The following ZNF737 variants were observed in gnomAD, a reference collection of about 807,000 sequenced individuals.
ZNF737 encodes the protein zinc finger protein 737.
A neutral mutation model predicts 11.7 loss-of-function variants in ZNF737; 13 were observed. The observed-to-expected ratio is 1.11, with a 90% confidence interval of 0.73 to 1.77. The LOEUF (loss-of-function observed/expected upper bound fraction) is 1.77. Ranked by LOEUF, ZNF737 falls within the 40% of genes most tolerant of loss-of-function variation. The pLI is 0.00. For missense variants in ZNF737, 636 were observed against 638.0 expected (o/e 1.00, Z 0.03); for synonymous variants, 217 against 216.2 (o/e 1.00, Z -0.03).
In ZNF737 at chr19:20,541,092, C is replaced by T. The variant is rs1264764369; in HGVS notation, c.*3500G>A. The T allele has an allele frequency of 2.9e-5, 29 of 984,730 alleles. No homozygotes were observed. Among genetic ancestry groups the T allele is most frequent in the African/African-American group, 3.5e-5 (2 of 57,170 alleles). The allele number at this position is 984,730 out of a possible 1,614,324, so 61.0% of individuals were successfully genotyped here. On this transcript the variant is annotated 3_prime_UTR_variant, in exon 4 of 4. Coordinates refer to ENST00000427401, the MANE Select transcript of ZNF737 (RefSeq NM_001159293.2). ...TAATAGGCAGACTCTGGGGAGAATCCGAATCACAGGCCAGAACATTTTATA... is the reference window on the plus strand; with the variant it reads ...TAATAGGCAGACTCTGGGGAGAATCTGAATCACAGGCCAGAACATTTTATA...
chr19:20,547,252 G>A (rs1968486172), intron 3 of ZNF737, among the ~76,000 whole-genome samples: 1 of 151,890 alleles, frequency 6.6e-6, no homozygotes, highest in Admixed American at 6.6e-5. Context: ...ATGGTAGCAG[G>A]CGCCTGTAGT....
intron 1 of ZNF737, among the ~76,000 whole-genome samples, chr19:20,562,374 T>C (rs1375648815): frequency 7.0e-6 from 1 of 143,850 alleles, no homozygotes; most frequent in Non-Finnish European, 1.5e-5. Context: ...GGAATTTCAC[T>C]CTTGTTGCCC....
At chr19:20,563,749 G>T (rs535094916) in intron 1 of ZNF737, among the ~76,000 whole-genome samples, 1 of 152,246 alleles carries the variant, frequency 6.6e-6, no homozygotes, top group Admixed American at 6.5e-5. Context: ...GCCTCCCAAA[G>T]TGCTGAGATG....
At chr19:20,535,308 A>G (rs1394183616), downstream of ZNF737, among the ~76,000 whole-genome samples, 1 of 152,068 alleles carries the variant, frequency 6.6e-6, no homozygotes, top group Admixed American at 6.6e-5. Flanking sequence ...AAAATAAAAG[A>G]GAAGGAAGGA....
Position 20,543,790 on chromosome 19 carries a change from C to T in ZNF737, c.*802G>A, listed in dbSNP as rs910263091. 5.1e-5 allele frequency: 50 copies of T among 985,348 alleles called. No homozygotes were observed. Among genetic ancestry groups the T allele is most frequent in the African/African-American group, 8.7e-5 (5 of 57,338 alleles). The allele number at this position is 985,348 out of a possible 1,614,324, so 61.0% of individuals were successfully genotyped here. On this transcript the variant is annotated 3_prime_UTR_variant, in exon 4 of 4. Coordinates refer to ENST00000427401, the MANE Select transcript of ZNF737 (RefSeq NM_001159293.2). ...AGCAATGTCACATTTTTTAGCTTTG[C>T]GGATTTCCTCTTCAACATGAATTAT...
Position 20,538,575 on chromosome 19 carries a change from T to C in ZNF737, c.*6017A>G. The C allele has an allele frequency of 7.5e-6, 7 of 929,764 alleles. No individual in the cohort carries two copies. The highest frequency in any genetic ancestry group is 9.0e-6 in the Non-Finnish European group (7 of 779,186). 57.6% of individuals were successfully genotyped at this position (929,764 alleles called of 1,614,324 possible). On this transcript the variant is annotated 3_prime_UTR_variant, in exon 4 of 4. Coordinates refer to ENST00000427401, the MANE Select transcript of ZNF737 (RefSeq NM_001159293.2). ...CTTTCTGCAAAAAGTAAAAATGGCC[T>C]TGCTAAGAAAAATTAAATTTATTTT...
intron 1 of ZNF737, among the ~76,000 whole-genome samples, chr19:20,560,655 C>CT (rs782401485): frequency 4.6e-5 from 7 of 152,126 alleles, no homozygotes; most frequent in Non-Finnish European, 1.0e-4. Flanking sequence ...TGCCATGTGC[C>CT]TGTAATCCCA....
At chr19:20,555,163 T>G (rs1164885847) in intron 1 of ZNF737, among the ~76,000 whole-genome samples, 1 of 149,010 alleles carries the variant, frequency 6.7e-6, no homozygotes, top group Non-Finnish European at 1.5e-5. Flanking sequence ...GCGCCCAATC[T>G]AAATAAGGAA....
chr19:20,548,980 A>AAAAAAAC (rs1491170549), intron 3 of ZNF737, among the ~76,000 whole-genome samples: 49 of 66,548 alleles, frequency 7.4e-4, no homozygotes, highest in African/African-American at 9.7e-4. Context: ...AAAAAAAAAA[A>AAAAAAAC]CAATTATGTA....
downstream of ZNF737, among the ~76,000 whole-genome samples, chr19:20,537,547 T>A: frequency 8.6e-6 from 1 of 115,654 alleles, no homozygotes. Flanking sequence ...AGACAGAGTC[T>A]CATCTGTCGC....
At chr19:20,535,480 T>C (rs1249991522), downstream of ZNF737, among the ~76,000 whole-genome samples, 6 of 151,572 alleles carry the variant, frequency 4.0e-5, no homozygotes, top group African/African-American at 1.5e-4. Context: ...ACCTGAAAGA[T>C]ATTATGTTAA....
intron 1 of ZNF737, among the ~76,000 whole-genome samples, chr19:20,555,154 C>T (rs533689431): frequency 5.4e-4 from 82 of 151,186 alleles, no homozygotes; most frequent in African/African-American, 1.9e-3. Context: ...TGAGCCATTG[C>T]GCCCAATCTA....
chr19:20,535,002 A>G (rs1476481655), downstream of ZNF737, among the ~76,000 whole-genome samples: 1 of 150,242 alleles, frequency 6.7e-6, no homozygotes, highest in Non-Finnish European at 1.5e-5. Context: ...TTTACCAGTC[A>G]TAATTTATAT....
rs187094119 is a variant in ZNF737, at chr19:20,539,263, G to A, written c.*5329C>T. 136 of 944,824 alleles carry A rather than the reference G, an allele frequency of 1.4e-4. No homozygotes were observed. The highest frequency in any genetic ancestry group is 3.7e-4 in the Admixed American group (6 of 16,182). The allele number at this position is 944,824 out of a possible 1,614,324, so 58.5% of individuals were successfully genotyped here. On this transcript the variant is annotated 3_prime_UTR_variant, in exon 4 of 4. Transcript: ENST00000427401. The stretch of plus-strand genomic sequence containing the variant: ...TGAGCACGTACCATTGCAGTGCAGC[G>A]TGAGTGACAGAGTGAGAATCCTTCT...
chr19:20,552,415 C>T, intron 3 of ZNF737, 60 bp downstream of exon 3: 2 of 1,278,780 alleles, frequency 1.6e-6, no homozygotes, highest in South Asian at 1.5e-5. Flanking sequence ...CTGGCTTTCT[C>T]TTTGACTTTG....
downstream of ZNF737, chr19:20,535,854 T>TAAA (rs35597979): frequency 6.3e-5 from 9 of 141,852 alleles, no homozygotes; most frequent in Non-Finnish European, 1.1e-4. Flanking sequence ...ATGTAAAGTG[T>TAAA]AAAAAAAAAA....
At chr19:20,557,368 G>A (rs1193530906) in intron 1 of ZNF737, among the ~76,000 whole-genome samples, 1 of 151,854 alleles carries the variant, frequency 6.6e-6, no homozygotes, top group African/African-American at 2.4e-5. Context: ...CCTAAATAAG[G>A]CCTCCAAAAA....
At position 20,546,796 on chromosome 19, in the gene ZNF737, C is replaced by CAA. The variant is rs543851928; in HGVS notation, c.227-821_227-820insTT. The stretch of plus-strand genomic sequence containing the variant: ...TCAAAAAACTGAGGAGAAAGGATCA[C>CAA]TTGAGTCCAGGAGGCTGAGGTTACA... On this transcript the variant is annotated intron_variant, in intron 3 of 3. Transcript: ENST00000427401. Among the ~76,000 whole-genome samples the CAA allele has an allele frequency of 5.9e-5, 9 of 152,262 alleles. No individual in the cohort carries two copies. The East Asian group carries it at 1.7e-3, about 29-fold the overall frequency.
chr19:20,556,348 T>G (rs549860551), intron 1 of ZNF737, among the ~76,000 whole-genome samples: 215 of 152,134 alleles, frequency 1.4e-3, no homozygotes, highest in Non-Finnish European at 1.2e-3. Flanking sequence ...GCACAAGAGA[T>G]TTCTGCAAAT....
Sources: gnomAD v4.1 joint callset for allele counts (sites outside exome capture counted in the v4.1 genomes callset) on GRCh38, gnomAD v4.1.1 for gene constraint, MANE v1.5 for transcripts, NCBI Gene and HGNC (gene_info 2026-07-23, HGNC 2026-07-21) for gene names.